The following SLC25A43 variants were observed in gnomAD, a reference collection of about 807,000 sequenced individuals.
The protein encoded by SLC25A43 is solute carrier family 25, member 43.
A neutral mutation model predicts 22.8 loss-of-function variants in SLC25A43; 10 were observed. The ratio of observed to expected loss-of-function variants is 0.44; its 90% confidence interval spans 0.27 to 0.74. The LOEUF (loss-of-function observed/expected upper bound fraction) is 0.74. Among genes scored for constraint, SLC25A43 ranks in the 30% least tolerant of loss-of-function variants. The pLI is 0.17. For missense variants in SLC25A43, 233 were observed against 279.1 expected, an observed-to-expected ratio of 0.83 and a Z score of 1.18; for synonymous variants, 106 against 121.6, an observed-to-expected ratio of 0.87 and a Z score of 0.84.
chrX:119,400,779 C>G (rs1203582077), intron 1 of SLC25A43, among the ~76,000 whole-genome samples: 1 of 111,995 alleles, frequency 8.9e-6, no homozygotes, highest in Non-Finnish European at 1.9e-5. Context: ...GAGTTCCCTT[C>G]TCTTCCTCTG....
intron 3 of SLC25A43, among the ~76,000 whole-genome samples, chrX:119,441,462 G>A (rs919839597): frequency 2.7e-5 from 3 of 109,583 alleles, no homozygotes; most frequent in Non-Finnish European, 5.7e-5. Flanking sequence ...GTAGACCGGA[G>A]CTGTTCCTAT....
At chrX:119,407,673 G>A (rs917824978) in intron 2 of SLC25A43, among the ~76,000 whole-genome samples, 3 of 110,824 alleles carry the variant, frequency 2.7e-5, no homozygotes, top group African/African-American at 9.8e-5. Flanking sequence ...ATGGTAGTAT[G>A]AGTCCCTGCT....
At chrX:119,416,322 C>T (rs1389509662) in intron 3 of SLC25A43, among the ~76,000 whole-genome samples, 1 of 110,555 alleles carries the variant, frequency 9.0e-6, no homozygotes, top group South Asian at 3.9e-4. Flanking sequence ...CAGGTTAAAG[C>T]GATTCTCCTG....
In SLC25A43 at chrX:119,406,417, T is replaced by C. The variant is rs368874352; in HGVS notation, c.276-43T>C. ...ACTAGTGGAGAGAACTCTAGCACAATCCATAGTTGATTTCTCTGGCCTTTC... is the reference window on the plus strand; with the variant it reads ...ACTAGTGGAGAGAACTCTAGCACAACCCATAGTTGATTTCTCTGGCCTTTC... On this transcript the variant is annotated intron_variant, in intron 1 of 4. Transcript: ENST00000217909. 8.3e-5 allele frequency: 99 copies of C among 1,199,547 alleles called. 1 individual carries two copies. The highest frequency in any genetic ancestry group is 6.8e-6 in the Non-Finnish European group (6 of 887,477).
intron 3 of SLC25A43, among the ~76,000 whole-genome samples, chrX:119,419,359 G>A (rs1049954679): frequency 8.9e-6 from 1 of 111,806 alleles, no homozygotes; most frequent in Non-Finnish European, 1.9e-5. Flanking sequence ...GCAGGATTGG[G>A]CCAGGTCAGC....
intron 2 of SLC25A43, among the ~76,000 whole-genome samples, chrX:119,409,284 G>A (rs953176526): frequency 1.1e-4 from 12 of 109,290 alleles, no homozygotes; most frequent in Admixed American, 4.0e-4. Flanking sequence ...AGGTTCAAGC[G>A]ATTCTCGTGC....
chrX:119,412,477 C>T (rs1235488815), intron 3 of SLC25A43, among the ~76,000 whole-genome samples: 6 of 110,481 alleles, frequency 5.4e-5, no homozygotes, highest in Admixed American at 3.9e-4. Flanking sequence ...TGGGTTTAAG[C>T]GATTCTTCTG....
chrX:119,411,256 T>C (rs2052347586), intron 3 of SLC25A43, among the ~76,000 whole-genome samples: 1 of 111,594 alleles, frequency 9.0e-6, no homozygotes, highest in Admixed American at 9.5e-5. Context: ...ATCCCAGCAC[T>C]TTGGGAGGCC....
chrX:119,432,015 G>T (rs950712524), intron 3 of SLC25A43, among the ~76,000 whole-genome samples: 10 of 109,294 alleles, frequency 9.1e-5, no homozygotes, highest in Non-Finnish European at 1.5e-4. Flanking sequence ...AGCTGGACAT[G>T]GTGGCAGGCA....
At chrX:119,452,709 T>G in intron 4 of SLC25A43, among the ~76,000 whole-genome samples, 156 bp from the exon 5 acceptor site, 1 of 111,677 alleles carries the variant, frequency 9.0e-6, no homozygotes, top group African/African-American at 3.2e-5. Flanking sequence ...GCTTTCCTTT[T>G]GCCATCTTTC....
At chrX:119,433,435 T>C (rs1200408143) in intron 3 of SLC25A43, among the ~76,000 whole-genome samples, 1 of 112,223 alleles carries the variant, frequency 8.9e-6, no homozygotes, top group African/African-American at 3.2e-5. Context: ...ACTAGTGTTT[T>C]TCCCAAATAG....
At chrX:119,429,836 G>A (rs1280083360) in intron 3 of SLC25A43, among the ~76,000 whole-genome samples, 1 of 111,858 alleles carries the variant, frequency 8.9e-6, no homozygotes, top group African/African-American at 3.3e-5. Flanking sequence ...CAGACTTAGT[G>A]AGGCCGAGGA....
chrX:119,447,823 G>A (rs1206165988), intron 3 of SLC25A43, among the ~76,000 whole-genome samples: 1 of 110,338 alleles, frequency 9.1e-6, no homozygotes, highest in Non-Finnish European at 1.9e-5. Context: ...GTATCCCCAG[G>A]CTCAAGCCCT....
intron 3 of SLC25A43, among the ~76,000 whole-genome samples, chrX:119,413,641 AG>A (rs2052370418): frequency 9.5e-6 from 1 of 104,894 alleles, no homozygotes; most frequent in African/African-American, 3.5e-5. Context: ...TGGGAGATGG[AG>A]GTTGCGGTGA....
At chrX:119,433,793 G>A (rs767220684) in intron 3 of SLC25A43, among the ~76,000 whole-genome samples, 2 of 111,701 alleles carry the variant, frequency 1.8e-5, no homozygotes, top group African/African-American at 3.3e-5. Context: ...GGTACTGGGA[G>A]TAGAGCTGAA....
intron 3 of SLC25A43, among the ~76,000 whole-genome samples, chrX:119,418,452 A>G (rs1294132046): frequency 8.9e-6 from 1 of 111,810 alleles, no homozygotes; most frequent in East Asian, 2.8e-4. Flanking sequence ...ATAACGAGCT[A>G]CACAGGGAAT....
chrX:119,413,795 A>C (rs1202075074), intron 3 of SLC25A43, among the ~76,000 whole-genome samples: 1 of 111,759 alleles, frequency 8.9e-6, no homozygotes, highest in Non-Finnish European at 1.9e-5. Flanking sequence ...TTATCAAATA[A>C]TATTCCACCA....
chrX:119,403,334 AG>A (rs1349751631), intron 1 of SLC25A43, among the ~76,000 whole-genome samples: 4 of 109,623 alleles, frequency 3.6e-5, no homozygotes, highest in African/African-American at 1.3e-4. Context: ...CTGTCGCCCA[AG>A]TTGGAGTGCA....
chrX:119,404,642 G>T (rs2147251928), intron 1 of SLC25A43, among the ~76,000 whole-genome samples: 1 of 111,459 alleles, frequency 9.0e-6, no homozygotes, highest in South Asian at 3.8e-4. Context: ...GTGACTGGAT[G>T]AAAAGCACAT....
Sources: allele counts gnomAD v4.1 joint callset (sites outside exome capture counted in the v4.1 genomes callset), GRCh38; gene constraint gnomAD v4.1.1; transcripts MANE v1.5; gene names NCBI Gene and HGNC (gene_info 2026-07-23, HGNC 2026-07-21).